The following OCA2 variants were observed in gnomAD, a reference collection of about 807,000 sequenced individuals.
OCA2 encodes the protein P protein.
A neutral mutation model predicts 100.2 loss-of-function variants in OCA2; 77 were observed. The observed-to-expected ratio is 0.77, with a 90% CI of 0.64 to 0.93. OCA2 has a LOEUF of 0.93. Ranked by LOEUF, OCA2 falls within the 40% of genes least tolerant of loss-of-function variation. OCA2 has a pLI of 0.00. For missense variants in OCA2, 1,062 were observed against 1,089.1 expected (o/e 0.98, Z 0.35); for synonymous variants, 432 against 439.2 (o/e 0.98, Z 0.21).
At chr15:27,914,216 A>G (rs1311231310) in intron 19 of OCA2, among the ~76,000 whole-genome samples, 1 of 152,150 alleles carries the variant, frequency 6.6e-6, no homozygotes, top group Non-Finnish European at 1.5e-5. Flanking sequence ...ATACCTTAAA[A>G]TAATAAGAGC....
At chr15:28,091,604 C>G (rs953996743) in intron 1 of OCA2, among the ~76,000 whole-genome samples, 2 of 152,152 alleles carry the variant, frequency 1.3e-5, no homozygotes, top group African/African-American at 4.8e-5. Flanking sequence ...AAACATATGT[C>G]CACACAAAAA....
intron 22 of OCA2, among the ~76,000 whole-genome samples, 161 bp downstream of exon 22, chr15:27,851,221 C>T (rs1267850435): frequency 6.6e-6 from 1 of 152,200 alleles, no homozygotes; most frequent in Non-Finnish European, 1.5e-5. Flanking sequence ...AACGGAGTTG[C>T]TCTGGAATTG....
chr15:28,032,629 C>CAA (rs59831968), intron 2 of OCA2, among the ~76,000 whole-genome samples: 7,915 of 141,006 alleles, frequency 0.056, 262 homozygotes, highest in Middle Eastern at 0.11. Flanking sequence ...ACTAAAAATA[C>CAA]AAAAAAAAAA....
intron 13 of OCA2, among the ~76,000 whole-genome samples, chr15:27,984,189 C>CT (rs2041264551): frequency 6.6e-6 from 1 of 151,988 alleles, no homozygotes; most frequent in African/African-American, 2.4e-5. Context: ...ACAGATCTGT[C>CT]TAAGCCACAT....
chr15:28,021,698 C>G (rs140932854), intron 6 of OCA2, among the ~76,000 whole-genome samples: 3 of 152,198 alleles, frequency 2.0e-5, no homozygotes, highest in Non-Finnish European at 2.9e-5. Flanking sequence ...CACCCTCTCC[C>G]GCTGCCTCTA....
At chr15:27,755,539 T>C (rs899553307) in intron 23 of OCA2, 67 bp from the exon 24 acceptor site, 13 of 1,245,342 alleles carry the variant, frequency 1.0e-5, no homozygotes, top group Non-Finnish European at 1.4e-5. Context: ...TACGGACTCA[T>C]AGCTCATGAG....
intron 21 of OCA2, among the ~76,000 whole-genome samples, chr15:27,860,330 C>T (rs1017017959): frequency 3.3e-5 from 5 of 152,168 alleles, no homozygotes; most frequent in Admixed American, 2.6e-4. Context: ...CAGGGGAGCA[C>T]ACCTGCAGGT....
downstream of OCA2, among the ~76,000 whole-genome samples, chr15:27,754,078 G>A (rs2030172501): frequency 6.6e-6 from 1 of 152,166 alleles, no homozygotes; most frequent in South Asian, 2.1e-4. Flanking sequence ...ACAGGCTGTG[G>A]CAGGGGCTCC....
At chr15:27,985,952 A>G (rs1368639003) in intron 12 of OCA2, among the ~76,000 whole-genome samples, 1 of 152,192 alleles carries the variant, frequency 6.6e-6, no homozygotes, top group Non-Finnish European at 1.5e-5. Context: ...TGGGCTCCCA[A>G]AGTACTAGGA....
chr15:27,977,754 G>C (rs780784375), intron 14 of OCA2, among the ~76,000 whole-genome samples: 1 of 152,174 alleles, frequency 6.6e-6, no homozygotes. Context: ...GGTCATGAGG[G>C]TGGAGCCCTC....
At chr15:27,869,225 G>A (rs895140043) in intron 21 of OCA2, among the ~76,000 whole-genome samples, 3 of 152,160 alleles carry the variant, frequency 2.0e-5, no homozygotes, top group African/African-American at 7.2e-5. Flanking sequence ...TGTGGCTTCT[G>A]CCCCTGTGGA....
intron 19 of OCA2, among the ~76,000 whole-genome samples, chr15:27,913,871 G>A (rs1595632417): frequency 2.0e-5 from 1 of 50,208 alleles, no homozygotes; most frequent in Non-Finnish European, 3.4e-5. Flanking sequence ...AAGAAAGAAA[G>A]AAAGAAAGAA....
chr15:27,941,508 A>G (rs2039645174), intron 18 of OCA2, among the ~76,000 whole-genome samples: 1 of 151,590 alleles, frequency 6.6e-6, no homozygotes, highest in African/African-American at 2.4e-5. Context: ...TCTACCCCCA[A>G]ATTCATTAAC....
chr15:27,766,132 G>A (rs1349538276), intron 23 of OCA2, among the ~76,000 whole-genome samples: 1 of 152,124 alleles, frequency 6.6e-6, no homozygotes, highest in Non-Finnish European at 1.5e-5. Flanking sequence ...TAAATATGTT[G>A]TGTAGTCTTA....
At chr15:27,801,582 A>C (rs1317604741) in intron 23 of OCA2, among the ~76,000 whole-genome samples, 3 of 148,658 alleles carry the variant, frequency 2.0e-5, no homozygotes, top group African/African-American at 7.4e-5. Context: ...AAAAAGAAGG[A>C]TAACAATACA....
At chr15:27,807,853 G>A (rs1317123215) in intron 23 of OCA2, among the ~76,000 whole-genome samples, 1 of 152,166 alleles carries the variant, frequency 6.6e-6, no homozygotes, top group African/African-American at 2.4e-5. Flanking sequence ...ATAAAGCAAG[G>A]TTCTCCCTGG....
intron 4 of OCA2, among the ~76,000 whole-genome samples, chr15:28,027,165 A>C (rs2042775314): frequency 6.6e-6 from 1 of 152,218 alleles, no homozygotes; most frequent in South Asian, 2.1e-4. Flanking sequence ...GTAAGGTGAG[A>C]GCGCTACTGC....
chr15:27,820,708 C>T (rs1183156696), intron 23 of OCA2, among the ~76,000 whole-genome samples: 2 of 152,134 alleles, frequency 1.3e-5, no homozygotes, highest in South Asian at 2.1e-4. Flanking sequence ...ATTAGAAAAG[C>T]GGTCAACACT....
chr15:27,871,326 G>A (rs1053167137), intron 20 of OCA2, 68 bp from the exon 21 acceptor site: 71 of 1,204,076 alleles, frequency 5.9e-5, no homozygotes, highest in Non-Finnish European at 8.0e-5. Context: ...CACCAGCCGC[G>A]AGACTCAGAG....
Sources: allele counts gnomAD v4.1 joint callset (sites outside exome capture counted in the v4.1 genomes callset), GRCh38; gene constraint gnomAD v4.1.1; transcripts MANE v1.5; gene names NCBI Gene and HGNC (gene_info 2026-07-23, HGNC 2026-07-21).